The following PRKCA variants were observed in gnomAD, a reference collection of about 807,000 sequenced individuals.
PRKCA encodes the protein protein kinase C alpha, also known as protein kinase C alpha type.
In PRKCA, 27 loss-of-function variants were observed where a neutral mutation model predicts 87.0. The observed-to-expected ratio is 0.31, with a 90% CI of 0.23 to 0.43. PRKCA has a LOEUF of 0.43. Among genes scored for constraint, PRKCA ranks in the 20% least tolerant of loss-of-function variants. PRKCA has a pLI of 1.00. For synonymous variants in PRKCA, 329 were observed against 311.1 expected (o/e 1.06, Z -0.61); for missense variants, 518 against 852.3 (o/e 0.61, Z 4.88).
At chr17:66,614,192 G>T (rs1040400805) in intron 3 of PRKCA, among the ~76,000 whole-genome samples, 3 of 152,154 alleles carry the variant, frequency 2.0e-5, no homozygotes, top group Non-Finnish European at 4.4e-5. Flanking sequence ...GGGGCAGGGG[G>T]TTGGGAGGAT....
At chr17:66,503,302 G>A (rs1916828594) in intron 3 of PRKCA, among the ~76,000 whole-genome samples, 2 of 152,116 alleles carry the variant, frequency 1.3e-5, no homozygotes, top group Admixed American at 6.5e-5. Context: ...GAACCGTCCC[G>A]TTGAACAGAA....
intron 8 of PRKCA, among the ~76,000 whole-genome samples, chr17:66,695,423 G>T (rs117703849): frequency 1.3e-5 from 2 of 152,140 alleles, no homozygotes; most frequent in Admixed American, 1.3e-4. Context: ...GACTTTCAAC[G>T]AACTCATTTC....
At chr17:66,384,921 CACCTGGCTG>C (rs1371139517) in intron 2 of PRKCA, among the ~76,000 whole-genome samples, 1 of 152,204 alleles carries the variant, frequency 6.6e-6, no homozygotes, top group African/African-American at 2.4e-5. Flanking sequence ...TGAGCCACTG[CACCTGGCTG>C]ACTGTTTTAA....
chr17:66,557,349 A>T (rs893931637), intron 3 of PRKCA, among the ~76,000 whole-genome samples: 3 of 152,016 alleles, frequency 2.0e-5, no homozygotes, highest in African/African-American at 7.3e-5. Flanking sequence ...TATTTTATTC[A>T]TGCACTCTAC....
chr17:66,587,180 T>C (rs1014824642), intron 3 of PRKCA, among the ~76,000 whole-genome samples: 1 of 152,200 alleles, frequency 6.6e-6, no homozygotes, highest in Non-Finnish European at 1.5e-5. Context: ...CCTACAGTTC[T>C]ATGAACATTT....
At chr17:66,563,217 C>T (rs760580753) in intron 3 of PRKCA, among the ~76,000 whole-genome samples, 23 of 152,054 alleles carry the variant, frequency 1.5e-4, no homozygotes, top group Non-Finnish European at 3.4e-4. Flanking sequence ...CATTAGGGTT[C>T]GGTCTTGGTA....
intron 2 of PRKCA, among the ~76,000 whole-genome samples, chr17:66,312,871 C>T (rs962050238): frequency 2.6e-5 from 4 of 151,396 alleles, no homozygotes; most frequent in South Asian, 4.2e-4. Flanking sequence ...CCTGAGTAGC[C>T]GGGATTACAG....
intron 9 of PRKCA, 87 bp downstream of exon 9, chr17:66,732,912 AC>A (rs1973938752): frequency 4.1e-6 from 6 of 1,473,914 alleles, no homozygotes; most frequent in Non-Finnish European, 5.5e-6. Flanking sequence ...GCAGAATAGC[AC>A]ATTAGATTTC....
intron 16 of PRKCA, among the ~76,000 whole-genome samples, chr17:66,789,351 C>T (rs919776628): frequency 8.5e-5 from 13 of 152,212 alleles, no homozygotes; most frequent in South Asian, 2.1e-4. Flanking sequence ...ACTCAGGCTT[C>T]GTGTCTGTCT....
chr17:66,776,673 A>G (rs1975057529), intron 14 of PRKCA, among the ~76,000 whole-genome samples: 1 of 152,182 alleles, frequency 6.6e-6, no homozygotes, highest in South Asian at 2.1e-4. Flanking sequence ...AAAAGGAAGT[A>G]AAGTACACTT....
chr17:66,693,080 T>G (rs898976549), intron 8 of PRKCA, among the ~76,000 whole-genome samples: 31 of 152,378 alleles, frequency 2.0e-4, no homozygotes, highest in African/African-American at 7.0e-4. Flanking sequence ...TGCATTAGTA[T>G]TCATTCGATA....
chr17:66,499,036 A>G (rs1291329300), intron 3 of PRKCA, among the ~76,000 whole-genome samples: 1 of 152,144 alleles, frequency 6.6e-6, no homozygotes, highest in East Asian at 1.9e-4. Flanking sequence ...CAGGACATGG[A>G]CCATTAGCAG....
intron 2 of PRKCA, among the ~76,000 whole-genome samples, chr17:66,388,195 G>A (rs1910169885): frequency 6.6e-6 from 1 of 152,130 alleles, no homozygotes; most frequent in African/African-American, 2.4e-5. Context: ...GGGCAGGGAT[G>A]ACATCTTTAG....
At position 66,410,556 on chromosome 17, in the gene PRKCA, T is replaced by C. The variant is rs533155978; in HGVS notation, c.206-85645T>C. 3.3e-5 allele frequency among the ~76,000 whole-genome samples: 5 copies of C among 152,284 alleles called. No homozygotes were observed. In the South Asian group the frequency reaches 1.0e-3, roughly 32 times the overall value. ...TAAATTTCCTTCCAATTCATTGACA[T>C]TGTTAGGTAGTTGAACTTTTTGTTT... On this transcript the variant is annotated intron_variant, in intron 2 of 16. Coordinates refer to ENST00000413366, the MANE Select transcript of PRKCA (RefSeq NM_002737.3).
At chr17:66,554,586 T>C (rs1968439990) in intron 3 of PRKCA, 20 of 416,500 alleles carry the variant, frequency 4.8e-5, no homozygotes, top group Non-Finnish European at 5.5e-5. Flanking sequence ...GAAGGTAAGG[T>C]GGGTGACCTG....
At chr17:66,745,662 C>T (rs1237703692) in intron 13 of PRKCA, among the ~76,000 whole-genome samples, 4 of 152,108 alleles carry the variant, frequency 2.6e-5, no homozygotes, top group African/African-American at 7.2e-5. Flanking sequence ...GCCTGGGCAA[C>T]GGAGTGAGAC....
At chr17:66,379,086 A>G (rs894830419) in intron 2 of PRKCA, among the ~76,000 whole-genome samples, 7 of 152,160 alleles carry the variant, frequency 4.6e-5, no homozygotes, top group African/African-American at 1.4e-4. Flanking sequence ...TACTTTGACT[A>G]TTATGAACAG....
chr17:66,675,109 G>C (rs1972292184), intron 5 of PRKCA, among the ~76,000 whole-genome samples: 1 of 152,172 alleles, frequency 6.6e-6, no homozygotes, highest in Non-Finnish European at 1.5e-5. Flanking sequence ...CTTTTTAACT[G>C]GGTGGCTCAT....
intron 2 of PRKCA, among the ~76,000 whole-genome samples, chr17:66,328,975 G>A (rs1906157389): frequency 6.6e-6 from 1 of 152,124 alleles, no homozygotes; most frequent in Non-Finnish European, 1.5e-5. Context: ...TCTTTCAAAG[G>A]GCTTTAAGCA....
Sources: gnomAD v4.1 joint callset for allele counts (sites outside exome capture counted in the v4.1 genomes callset) on GRCh38, gnomAD v4.1.1 for gene constraint, MANE v1.5 for transcripts, NCBI Gene and HGNC (gene_info 2026-07-23, HGNC 2026-07-21) for gene names.